GPN3: variants seen among roughly 807,000 people sequenced by gnomAD.
GPN3 encodes the protein GPN-loop GTPase 3.
Under a neutral mutation model 38.7 loss-of-function variants are expected in GPN3, and 31 were observed. The ratio of observed to expected loss-of-function variants is 0.80; its 90% confidence interval spans 0.60 to 1.08. The LOEUF (loss-of-function observed/expected upper bound fraction) is 1.08. Ranked by LOEUF, GPN3 falls within the 50% of genes least tolerant of loss-of-function variation. GPN3 has a pLI of 0.00. For synonymous variants in GPN3, 116 were observed against 120.2 expected (o/e 0.96, Z 0.23); for missense variants, 301 against 354.4 (o/e 0.85, Z 1.21).
chr12:110,454,378 CTTTT>C (rs571598225), intron 6 of GPN3, among the ~76,000 whole-genome samples: 2,173 of 147,216 alleles, frequency 0.015, 55 homozygotes, highest in African/African-American at 0.052. Context: ...AAAACTTCAT[CTTTT>C]TTTTTCTTTT....
intron 4 of GPN3, among the ~76,000 whole-genome samples, chr12:110,456,834 A>T (rs1391778572): frequency 1.3e-5 from 2 of 151,926 alleles, no homozygotes; most frequent in East Asian, 3.9e-4. Context: ...AGTAGCTGGG[A>T]CTACAGGCAT....
chr12:110,468,223 C>A lies in GPN3; in HGVS notation c.-20G>T. ...AGGCATGTTGGCTCCCGGAGCCGCC[C>A]GCCACACTCCCTTAGCCTTCGCGCG... On this transcript the variant is annotated 5_prime_UTR_variant, in exon 1 of 8. Coordinates refer to ENST00000228827, the MANE Select transcript of GPN3 (RefSeq NM_016301.4). 1.2e-6 allele frequency: 2 copies of A among 1,607,940 alleles called. No homozygotes were observed. The highest frequency in any genetic ancestry group is 1.1e-5 in the South Asian group (1 of 91,068).
rs1005901152 is a variant in GPN3, at chr12:110,465,002, G to C, written c.157+104C>G. 8.2e-6 allele frequency: 6 copies of C among 729,778 alleles called. No homozygotes were observed. The African/African-American group carries it at 1.0e-4, about 13-fold the overall frequency. The allele number at this position is 729,778 out of a possible 1,614,324, so 45.2% of individuals were successfully genotyped here. A position where few individuals can be genotyped will look rare whatever the true frequency, so the allele number is the denominator to read the frequency against. On this transcript the variant is annotated intron_variant, in intron 2 of 7. Coordinates refer to ENST00000228827, the MANE Select transcript of GPN3 (RefSeq NM_016301.4). ...GCTCATGCTATTTACCATAACACCA[G>C]GGATCCAGACTATAATAAGTATCAG...
Position 110,453,058 on chromosome 12 carries a change from A to G in GPN3, c.831T>C (p.Tyr277=). The change falls in exon 8 of 8, where the codon TAT becomes TAC. Residue 277 remains tyrosine, a synonymous_variant. Coordinates refer to ENST00000228827, the MANE Select transcript of GPN3 (RefSeq NM_016301.4). ...TTCATTCATCCTGGCATTCTTGAAA[A>G]TATTCGTCAAACATAGAGGAAGACT... ...EDESSSMFDE[Y]FQECQDE The G allele has an allele frequency of 1.4e-6, 2 of 1,476,500 alleles. No individual in the cohort carries two copies. Among genetic ancestry groups the G allele is most frequent in the Non-Finnish European group, 1.9e-6 (2 of 1,055,244 alleles). 91.5% of individuals were successfully genotyped at this position (1,476,500 alleles called of 1,614,324 possible). A position where few individuals can be genotyped will look rare whatever the true frequency, so the allele number is the denominator to read the frequency against.
At chr12:110,466,542 A>C (rs1005111506) in intron 1 of GPN3, among the ~76,000 whole-genome samples, 1 of 151,570 alleles carries the variant, frequency 6.6e-6, no homozygotes, top group Non-Finnish European at 1.5e-5. Flanking sequence ...ACTGTCACCC[A>C]GGCTGGAGTG....
At position 110,453,764 on chromosome 12, in the gene GPN3, G is replaced by A. The variant is rs2062530671; in HGVS notation, c.771C>T (p.Asp257=). 2 of 1,603,582 alleles carry A rather than the reference G, an allele frequency of 1.2e-6. No individual in the cohort carries two copies. The highest frequency in any genetic ancestry group is 1.1e-5 in the South Asian group (1 of 90,756). The change falls in exon 7 of 8, where the codon GAC becomes GAT. Residue 257 remains aspartate (D), a synonymous_variant. Transcript: ENST00000228827. The stretch of plus-strand genomic sequence containing the variant: ...TTACCTTTGGTTCTTTAAATTCTAG[G>A]TCTTCTCCATATTGAATGGCAAAAT... ...HIDFAIQYGE[D]LEFKEPKERE... is the part of the protein sequence containing the mutation.
At chr12:110,466,270 A>G (rs10160981) in intron 1 of GPN3, among the ~76,000 whole-genome samples, 122,176 of 152,022 alleles carry the variant, frequency 0.8, 49,408 homozygotes, top group East Asian at 1. Context: ...TTGTGTGTGC[A>G]TGTTTTTTTC....
chr12:110,461,240 C>T (rs900118394), intron 2 of GPN3: 11 of 1,298,672 alleles, frequency 8.5e-6, no homozygotes, highest in Admixed American at 3.4e-5. Context: ...ATACTGAATC[C>T]GTGTGCAGCT....
upstream of GPN3, chr12:110,468,451 AT>A: frequency 7.8e-6 from 12 of 1,535,850 alleles, no homozygotes; most frequent in Non-Finnish European, 1.0e-5. Context: ...GGCCGTTGGG[AT>A]GCTGTCTAAG....
intron 2 of GPN3, among the ~76,000 whole-genome samples, chr12:110,464,069 A>G (rs2062610643): frequency 6.6e-6 from 1 of 151,972 alleles, no homozygotes; most frequent in African/African-American, 2.4e-5. Flanking sequence ...TCCTGGGCTC[A>G]AGTGATCCTC....
At chr12:110,463,986 C>T (rs948242295) in intron 2 of GPN3, among the ~76,000 whole-genome samples, 1 of 151,944 alleles carries the variant, frequency 6.6e-6, no homozygotes, top group Non-Finnish European at 1.5e-5. Flanking sequence ...CCTTTCTCAC[C>T]TCCAGGCTAT....
intron 1 of GPN3, among the ~76,000 whole-genome samples, chr12:110,466,248 A>G (rs149523318): frequency 6.6e-6 from 1 of 152,264 alleles, no homozygotes; most frequent in Non-Finnish European, 1.5e-5. Context: ...AAGCTCCACA[A>G]GGGCACGGAT....
chr12:110,462,681 G>A (rs770671946), intron 2 of GPN3, among the ~76,000 whole-genome samples: 4 of 152,084 alleles, frequency 2.6e-5, no homozygotes, highest in Non-Finnish European at 4.4e-5. Flanking sequence ...TCTGCCTCCC[G>A]GGTTCAAGCG....
At position 110,468,196 on chromosome 12, in the gene GPN3, C is replaced by G; in HGVS notation, c.8G>C (p.Arg3Pro). ...GGGGCCCATGACCAGCTGCGCATAC[C>G]GAGGCATGTTGGCTCCCGGAGCCGC... The part of the protein sequence containing the change: MP[R>P]YAQLVMGPAG... The change falls in exon 1 of 8, where the codon CGG (arginine) becomes CCG (proline). Residue 3 changes from arginine to proline, a missense_variant. Physicochemically the swap from Arg to Pro is moderately radical, Grantham distance 103. Transcript: ENST00000228827. 6.2e-7 allele frequency: 1 copy of G among 1,608,386 alleles called. No individual in the cohort carries two copies. The highest frequency in any genetic ancestry group is 1.7e-5 in the Admixed American group (1 of 60,016).
At chr12:110,463,652 A>T (rs1324507453) in intron 2 of GPN3, among the ~76,000 whole-genome samples, 1 of 145,698 alleles carries the variant, frequency 6.9e-6, no homozygotes, top group African/African-American at 2.5e-5. Context: ...TATAAAAATT[A>T]GCCAGGCATG....
chr12:110,464,826 C>T (rs549624086), intron 2 of GPN3: 1 of 360,008 alleles, frequency 2.8e-6, no homozygotes. Flanking sequence ...AATTCCTGAC[C>T]TCGTGATCCA....
chr12:110,467,602 A>G (rs1243576767), intron 1 of GPN3, among the ~76,000 whole-genome samples: 1 of 152,234 alleles, frequency 6.6e-6, no homozygotes. Context: ...CTAAATGCGA[A>G]GTTGAGAACT....
intron 4 of GPN3, 104 bp downstream of exon 4, chr12:110,457,406 C>T: frequency 1.1e-6 from 1 of 940,884 alleles, no homozygotes. Flanking sequence ...GAGCTGAGAT[C>T]ACGCCACTGC....
upstream of GPN3, chr12:110,468,517 C>G (rs1416381817): frequency 1.3e-6 from 2 of 1,537,316 alleles, no homozygotes; most frequent in South Asian, 2.4e-5. Context: ...CCTTGCGCCA[C>G]GTGCTTCGGT....
Sources: gnomAD v4.1 joint callset for allele counts (sites outside exome capture counted in the v4.1 genomes callset) on GRCh38, gnomAD v4.1.1 for gene constraint, MANE v1.5 for transcripts, NCBI Gene and HGNC (gene_info 2026-07-23, HGNC 2026-07-21) for gene names.